LRRC23: variants seen among roughly 807,000 people sequenced by gnomAD.
LRRC23 encodes the protein leucine-rich repeat-containing protein 23.
A neutral mutation model predicts 37.7 loss-of-function variants in LRRC23; 28 were observed. The observed-to-expected ratio is 0.74, with a 90% confidence interval of 0.55 to 1.02. LRRC23 has a LOEUF of 1.02. LRRC23 is among the 50% of genes least tolerant of loss of function. The pLI is 0.00. For synonymous variants in LRRC23, 161 were observed against 165.4 expected (o/e 0.97, Z 0.20); for missense variants, 377 against 413.2 (o/e 0.91, Z 0.76).
intron 5 of LRRC23, among the ~76,000 whole-genome samples, chr12:6,908,583 C>A (rs1945006152): frequency 1.0e-5 from 1 of 97,180 alleles, no homozygotes; most frequent in South Asian, 3.5e-4. Flanking sequence ...GGAGACAGAG[C>A]AAGACTCCAT....
chr12:6,909,026 A>ATTATAT (rs1945028964), intron 5 of LRRC23, among the ~76,000 whole-genome samples: 2 of 95,570 alleles, frequency 2.1e-5, no homozygotes, highest in African/African-American at 8.9e-5. Flanking sequence ...GAAAACCGAT[A>ATTATAT]TATATATTAT....
intron 6 of LRRC23, 133 bp downstream of exon 6, chr12:6,910,159 T>G: frequency 1.2e-6 from 1 of 837,122 alleles, no homozygotes; most frequent in Non-Finnish European, 1.8e-6. Flanking sequence ...CGGCTTTCCT[T>G]CCTTTCTTCT....
chr12:6,910,008 T>C lies in LRRC23; in HGVS notation c.740T>C (p.Leu247Ser). 1.2e-6 allele frequency: 2 copies of C among 1,612,850 alleles called. No homozygotes were observed. The highest frequency in any genetic ancestry group is 8.5e-7 in the Non-Finnish European group (1 of 1,179,514). The stretch of plus-strand genomic sequence containing the variant: ...GGCTTCTCCAGAGAAATGAAATCAT[T>C]GCAGTACCTCAACCTGAGGTATGCA... Reference protein sequence around the residue: ...LSGFSREMKSLQYLNLRGNMV... With the variant: ...LSGFSREMKSSQYLNLRGNMV... The change falls in exon 6 of 8, where the codon TTG (leucine) becomes TCG (serine). Residue 247 changes from leucine to serine, a missense_variant. By Grantham distance (145) the Leu-to-Ser change is moderately radical. Coordinates refer to ENST00000443597, the MANE Select transcript of LRRC23 (RefSeq NM_001135217.2).
Position 6,905,930 on chromosome 12 carries a change from A to T in LRRC23, c.212A>T (p.Tyr71Phe), listed in dbSNP as rs1591635308. ...CKTGNGLAHA[Y>F]VKLEVKERDL... ...ACAGGCAATGGGCTGGCTCATGCTT[A>T]TGTCAAGCTGGAGGTTAAAGAGAGG... The change falls in exon 3 of 8, where the codon TAT (tyrosine) becomes TTT (phenylalanine). Residue 71 changes from tyrosine to phenylalanine, a missense_variant. Physicochemically the swap from Tyr to Phe is conservative, Grantham distance 22 (BLOSUM62 3). Transcript: ENST00000443597. 6.2e-7 allele frequency: 1 copy of T among 1,613,988 alleles called. No individual in the cohort carries two copies. The highest frequency in any genetic ancestry group is 8.5e-7 in the Non-Finnish European group (1 of 1,179,982).
intron 1 of LRRC23, 200 bp downstream of exon 1, chr12:6,905,275 T>G: frequency 8.9e-6 from 2 of 223,792 alleles, no homozygotes; most frequent in East Asian, 1.2e-4. Flanking sequence ...AGAGCATGGC[T>G]TAAGGGGGAG....
intron 7 of LRRC23, chr12:6,913,378 C>A: frequency 3.7e-6 from 1 of 269,552 alleles, no homozygotes; most frequent in Non-Finnish European, 7.1e-6. Context: ...GTGGTGTATG[C>A]AGCTGGACCT....
intron 5 of LRRC23, among the ~76,000 whole-genome samples, chr12:6,909,102 A>G (rs180774014): frequency 4.2e-5 from 1 of 24,042 alleles, no homozygotes; most frequent in Non-Finnish European, 5.6e-5. Flanking sequence ...TATTATATAT[A>G]ATATATAATT....
intron 1 of LRRC23, 100 bp from the exon 2 acceptor site, chr12:6,905,485 G>T: frequency 1.4e-6 from 1 of 708,266 alleles, no homozygotes; most frequent in Non-Finnish European, 2.5e-6. Context: ...GAAGCCTAGA[G>T]TTGGTGGGTC....
At chr12:6,905,815 A>T in intron 2 of LRRC23, 30 bp from the exon 3 acceptor site, 1 of 1,613,360 alleles carries the variant, frequency 6.2e-7, no homozygotes, top group African/African-American at 1.3e-5. Context: ...TGGGCAGGGG[A>T]GAGACACCTT....
chr12:6,905,668 C>G lies in LRRC23; in HGVS notation c.35C>G (p.Pro12Arg), dbSNP rs374388527. ...GAAGATGATCTAGAAGACTCTGAGC[C>G]AGACCAGGATGATTCTGAGAAAGAA... ...SDEDDLEDSE[P>R]DQDDSEKEED... Residue 12 changes from proline (P) to arginine (R), a missense_variant, in exon 2 of 8, where the codon CCA (proline) becomes CGA (arginine). Coordinates refer to ENST00000443597, the MANE Select transcript of LRRC23 (RefSeq NM_001135217.2). 7 of 1,613,496 alleles carry G rather than the reference C, an allele frequency of 4.3e-6. No individual in the cohort carries two copies. The highest frequency in any genetic ancestry group is 5.1e-6 in the Non-Finnish European group (6 of 1,179,880).
intron 3 of LRRC23, 25 bp downstream of exon 3, chr12:6,905,979 G>A: frequency 6.3e-7 from 1 of 1,587,616 alleles, no homozygotes; most frequent in Non-Finnish European, 8.6e-7. Context: ...GACCAGATGA[G>A]GACTGTGAGA....
intron 1 of LRRC23, chr12:6,905,284 A>G (rs1591634417): frequency 4.5e-6 from 1 of 223,040 alleles, no homozygotes; most frequent in Non-Finnish European, 9.1e-6. Context: ...CTTAAGGGGG[A>G]GGTGGGAAGA....
chr12:6,906,395 C>G lies in LRRC23; in HGVS notation c.237-14C>G. On this transcript the variant is annotated splice_polypyrimidine_tract_variant and intron_variant, in intron 3 of 7. Coordinates refer to ENST00000443597, the MANE Select transcript of LRRC23 (RefSeq NM_001135217.2). The stretch of plus-strand genomic sequence containing the variant: ...ACCCTAAACCTGGTTTCTTCTCCCT[C>G]TTCCATCTCCTAGGGACCTGACAGA... The G allele has an allele frequency of 6.2e-7, 1 of 1,611,604 alleles. No homozygotes were observed.
At chr12:6,905,105 G>GT (rs1173527262) in intron 1 of LRRC23, 30 bp downstream of exon 1, 6 of 159,700 alleles carry the variant, frequency 3.8e-5, no homozygotes, top group African/African-American at 1.4e-4. Context: ...GGCGAATTGA[G>GT]TGGGAGGGTT....
chr12:6,906,057 C>T (rs1944937117), intron 3 of LRRC23, 103 bp downstream of exon 3: 2 of 1,024,492 alleles, frequency 2.0e-6, no homozygotes, highest in East Asian at 4.9e-5. Context: ...TGACTCTTCT[C>T]ATGCCTAGTG....
intron 6 of LRRC23, among the ~76,000 whole-genome samples, chr12:6,911,365 G>A (rs956440625): frequency 1.3e-5 from 2 of 152,158 alleles, no homozygotes; most frequent in Non-Finnish European, 2.9e-5. Context: ...GACCCCCTGG[G>A]CATTCTCTTA....
chr12:6,908,258 C>T lies in LRRC23; in HGVS notation c.621+813C>T, dbSNP rs117172000. The stretch of plus-strand genomic sequence containing the variant: ...TGGAAGCTTCATGATCTTAGTATTC[C>T]TTCCCCCAGGAAACTGGGGAGGCTG... On this transcript the variant is annotated intron_variant, in intron 5 of 7. Transcript: ENST00000443597. Among the ~76,000 whole-genome samples, 37 of 152,130 alleles carry T rather than the reference C, an allele frequency of 2.4e-4. No individual in the cohort carries two copies. The East Asian group carries it at 5.2e-3, about 22-fold the overall frequency.
chr12:6,906,508 C>T lies in LRRC23; in HGVS notation c.336C>T (p.Leu112=). ...HLTDLSPLNY[L]THLLWLKADG... ...CAGACCTGTCTCCACTCAACTACCT[C>T]ACCCACCTGCTCTGGCTCAAGGCTG... is the stretch of plus-strand genomic sequence containing the variant. The change falls in exon 4 of 8, where the codon CTC becomes CTT. Residue 112 remains leucine, a synonymous_variant. Coordinates refer to ENST00000443597, the MANE Select transcript of LRRC23 (RefSeq NM_001135217.2). The T allele has an allele frequency of 6.2e-7, 1 of 1,614,216 alleles. No homozygotes were observed. Among genetic ancestry groups the T allele is most frequent in the Non-Finnish European group, 8.5e-7 (1 of 1,180,040 alleles).
rs1406431832 is a variant in LRRC23, at chr12:6,912,598, G to A, written c.759-132G>A. On this transcript the variant is annotated intron_variant, in intron 6 of 7. Coordinates refer to ENST00000443597, the MANE Select transcript of LRRC23 (RefSeq NM_001135217.2). ...GCACCTCTGCAGTAAATCTGGCAAG[G>A]CTTGGCAGGCCAGTCCTCACAGTGT... is the stretch of plus-strand genomic sequence containing the variant. The A allele has an allele frequency of 4.3e-5, 35 of 817,472 alleles. No homozygotes were observed. The Admixed American group carries it at 7.5e-4, about 17-fold the overall frequency. 50.6% of individuals were successfully genotyped at this position (817,472 alleles called of 1,614,324 possible).
Sources: allele counts gnomAD v4.1 joint callset (sites outside exome capture counted in the v4.1 genomes callset), GRCh38; gene constraint gnomAD v4.1.1; transcripts MANE v1.5; gene names NCBI Gene and HGNC (gene_info 2026-07-23, HGNC 2026-07-21).